The following EPB41L1 variants were observed in gnomAD, a reference collection of about 807,000 sequenced individuals.
The protein encoded by EPB41L1 is erythrocyte membrane protein band 4.1 like 1, also known as band 4.1-like protein 1.
A neutral mutation model predicts 97.8 loss-of-function variants in EPB41L1; 29 were observed. That is an observed-to-expected ratio of 0.30 (90% CI 0.22 to 0.40). The LOEUF is 0.40. Among genes scored for constraint, EPB41L1 ranks in the 10% least tolerant of loss-of-function variants. The probability of loss-of-function intolerance (pLI) is 1.00; values close to 1 mark genes in which losing one functional copy is unlikely to be tolerated. For missense variants in EPB41L1, 812 were observed against 1,162.3 expected, an observed-to-expected ratio of 0.70 and a Z score of 4.38; for synonymous variants, 383 against 459.2, an observed-to-expected ratio of 0.83 and a Z score of 2.12.
chr20:36,102,991 AC>A (rs948665590), intron 1 of EPB41L1, among the ~76,000 whole-genome samples: 2 of 151,808 alleles, frequency 1.3e-5, no homozygotes, highest in African/African-American at 4.8e-5. Flanking sequence ...CAAGAATGCC[AC>A]CCCCTCCATT....
intron 6 of EPB41L1, among the ~76,000 whole-genome samples, chr20:36,184,878 G>A (rs1348298864): frequency 1.3e-5 from 2 of 152,182 alleles, no homozygotes; most frequent in Non-Finnish European, 2.9e-5. Flanking sequence ...TGAAAATGCT[G>A]TCATAATAGA....
At chr20:36,122,167 A>G (rs1038111776) in intron 2 of EPB41L1, among the ~76,000 whole-genome samples, 11 of 152,076 alleles carry the variant, frequency 7.2e-5, no homozygotes, top group African/African-American at 2.4e-4. Flanking sequence ...TGGGGGGAGA[A>G]GTGTCTCCAT....
Position 36,195,260 on chromosome 20 carries a change from C to T in EPB41L1, c.1450-69C>T, listed in dbSNP as rs79638596. 1,953 of 1,593,764 alleles carry T rather than the reference C, an allele frequency of 1.2e-3. 17 individuals carry two copies. In the African/African-American group the frequency reaches 0.023, roughly 18 times the overall value. ...GGGCTCCTTGCTGGACCAAGCCCAT[C>T]GTGGTATCTCTAATCCATCTGCTCT... On this transcript the variant is annotated intron_variant, in intron 12 of 21. Coordinates refer to ENST00000338074, the MANE Select transcript of EPB41L1 (RefSeq NM_012156.2). This position sits in a 1 kb window ranked among gnomAD's most constrained non-coding sequence, Gnocchi z 4.6.
At chr20:36,178,110 T>C in intron 4 of EPB41L1, 54 bp downstream of exon 4, 2 of 1,328,020 alleles carry the variant, frequency 1.5e-6, no homozygotes, top group South Asian at 2.4e-5. Context: ...GCTCCTGTAA[T>C]CCTGGCCACC....
chr20:36,152,082 G>A (rs2060077662), upstream of EPB41L1: 2 of 152,002 alleles, frequency 1.3e-5, no homozygotes, highest in African/African-American at 4.8e-5. Context: ...ACTCCAGCCT[G>A]GGCAACAGAG....
intron 1 of EPB41L1, among the ~76,000 whole-genome samples, chr20:36,162,080 C>T (rs1194929938): frequency 6.6e-6 from 1 of 152,180 alleles, no homozygotes; most frequent in African/African-American, 2.4e-5. Flanking sequence ...ATTTAATTCT[C>T]ACTATACACC....
intron 2 of EPB41L1, among the ~76,000 whole-genome samples, chr20:36,137,638 C>T (rs141039786): frequency 0.03 from 4,559 of 152,280 alleles, 127 homozygotes; most frequent in South Asian, 0.15. Context: ...GATTCTTCTG[C>T]CTCAGCCTCC....
chr20:36,107,509 G>A (rs1313173724), intron 1 of EPB41L1, among the ~76,000 whole-genome samples: 4 of 147,260 alleles, frequency 2.7e-5, no homozygotes, highest in Admixed American at 1.3e-4. Context: ...GTGAGCCACC[G>A]TGCCCGGCTT....
intron 2 of EPB41L1, among the ~76,000 whole-genome samples, chr20:36,126,214 G>A (rs1389505052): frequency 2.6e-5 from 4 of 152,132 alleles, no homozygotes; most frequent in African/African-American, 9.7e-5. Context: ...TGGGGACACC[G>A]TGCATACCTC....
chr20:36,118,933 C>T (rs182323966), intron 2 of EPB41L1, among the ~76,000 whole-genome samples: 8 of 152,270 alleles, frequency 5.3e-5, no homozygotes, highest in Non-Finnish European at 2.9e-5. Flanking sequence ...AAATGACTTA[C>T]CTAGGGCAAT....
chr20:36,142,828 G>A (rs772182208), intron 2 of EPB41L1, among the ~76,000 whole-genome samples: 4 of 152,234 alleles, frequency 2.6e-5, no homozygotes, highest in African/African-American at 4.8e-5. Context: ...ACTGGCTCAG[G>A]CCTGGCAGTC....
chr20:36,173,844 G>T lies in EPB41L1; in HGVS notation c.67G>T (p.Glu23Ter). The change falls in exon 2 of 22, where the codon GAG becomes TAG. Residue 23 changes from glutamate (E) to a stop codon, truncating the protein, a stop_gained. Transcript: ENST00000338074. LOFTEE classifies it high-confidence loss of function. ...KAQEEAPQQP[E>*]AAAAVTTPVT... is the part of the protein sequence containing the mutation. ...TCAGGAGGAGGCCCCGCAGCAGCCC[G>T]AGGCTGCTGCCGCTGTGACCACCCC... 1 of 1,612,730 alleles carries T rather than the reference G, an allele frequency of 6.2e-7. No individual in the cohort carries two copies. The highest frequency in any genetic ancestry group is 8.5e-7 in the Non-Finnish European group (1 of 1,178,968).
intron 2 of EPB41L1, among the ~76,000 whole-genome samples, chr20:36,135,903 G>A (rs2059398663): frequency 6.6e-6 from 1 of 152,144 alleles, no homozygotes; most frequent in Non-Finnish European, 1.5e-5. Context: ...AGGGTAGCAG[G>A]TAGGGTCCTG....
chr20:36,187,787 C>A, intron 8 of EPB41L1, 24 bp downstream of exon 8: 1 of 1,607,446 alleles, frequency 6.2e-7, no homozygotes, highest in East Asian at 2.2e-5. Context: ...CCTGGGTTCC[C>A]CTAGTGTCTG....
At chr20:36,143,137 TTGTGTGTGTGTGTGTG>T (rs59256378) in intron 2 of EPB41L1, among the ~76,000 whole-genome samples, 51 of 130,706 alleles carry the variant, frequency 3.9e-4, no homozygotes, top group African/African-American at 1.2e-3. Flanking sequence ...GAGGGTGTGT[TTGTGTGTGTGTGTGTG>T]TGTGTGTGTG....
chr20:36,129,529 A>G (rs2147741569), intron 2 of EPB41L1, among the ~76,000 whole-genome samples: 1 of 152,154 alleles, frequency 6.6e-6, no homozygotes, highest in East Asian at 1.9e-4. Flanking sequence ...GCATTGGGTC[A>G]CTAGCGGGTC....
In EPB41L1 at chr20:36,224,217, T is replaced by C. The variant is rs530768403; in HGVS notation, c.2637+1823T>C. ...TGAAATTGGCTAGTCTAAAAAGAAA[T>C]GTGCTTTAAGGGTGAAATACATGCA... On this transcript the variant is annotated intron_variant, in intron 21 of 21. Transcript: ENST00000338074. 4.6e-5 allele frequency among the ~76,000 whole-genome samples: 7 copies of C among 152,278 alleles called. No homozygotes were observed. The East Asian group carries it at 1.4e-3, about 29-fold the overall frequency.
chr20:36,154,423 C>G (rs1273788148), upstream of EPB41L1, among the ~76,000 whole-genome samples: 1 of 151,946 alleles, frequency 6.6e-6, no homozygotes, highest in Non-Finnish European at 1.5e-5. This position sits in a 1 kb window ranked among gnomAD's most constrained non-coding sequence, Gnocchi z 5.5. Flanking sequence ...AGAGGCCCCC[C>G]AGCTGCACAG....
chr20:36,185,442 C>A, intron 7 of EPB41L1, 107 bp downstream of exon 7: 2 of 1,016,088 alleles, frequency 2.0e-6, no homozygotes, highest in Non-Finnish European at 3.0e-6. Context: ...TTGTACCCCG[C>A]CTGGCTCTGC....
Sources: allele counts gnomAD v4.1 joint callset (sites outside exome capture counted in the v4.1 genomes callset), GRCh38; gene constraint gnomAD v4.1.1; non-coding constraint Gnocchi (gnomAD v3.1); transcripts MANE v1.5; gene names NCBI Gene and HGNC (gene_info 2026-07-23, HGNC 2026-07-21).